Variants in DLGAP3 observed in about 807,000 individuals in gnomAD.
The protein encoded by DLGAP3 is DLG associated protein 3, also known as disks large-associated protein 3.
Under a neutral mutation model 81.2 loss-of-function variants are expected in DLGAP3, and 17 were observed. That is an observed-to-expected ratio of 0.21 (90% CI 0.14 to 0.31). The LOEUF is 0.31. Among genes scored for constraint, DLGAP3 ranks in the 10% least tolerant of loss-of-function variants. The pLI, the probability that DLGAP3 is intolerant of heterozygous loss-of-function variation, is 1.00. For synonymous variants in DLGAP3, 577 were observed against 587.4 expected, an observed-to-expected ratio of 0.98 and a Z score of 0.26; for missense variants, 1,124 against 1,388.0, an observed-to-expected ratio of 0.81 and a Z score of 3.02.
Position 34,868,723 on chromosome 1 carries a change from G to A in DLGAP3, c.2367C>T (p.Ser789=), listed in dbSNP as rs1455439880. Residue 789 remains serine (S), a synonymous_variant, in exon 9 of 12, where the codon TCC becomes TCT. Transcript: ENST00000373347. This position sits in a 1 kb window ranked among gnomAD's most constrained non-coding sequence, Gnocchi z 7.5. ...SRSLPDSGRA[S]PCPRDGEWFI... is the part of the protein sequence containing the mutation. ...ACCACTCGCCGTCGCGTGGGCAGGG[G>A]GATGCGCGGCCTGAGTCGGGGAGGC... 1 of 1,610,084 alleles carries A rather than the reference G, an allele frequency of 6.2e-7. No homozygotes were observed. Among genetic ancestry groups the A allele is most frequent in the African/African-American group, 1.3e-5 (1 of 74,938 alleles).
At chr1:34,879,241 T>A (rs1418299990) in intron 8 of DLGAP3, among the ~76,000 whole-genome samples, 1 of 152,156 alleles carries the variant, frequency 6.6e-6, no homozygotes. Flanking sequence ...GTAGAATCAG[T>A]GGGAGCCCTG....
At chr1:34,911,454 C>T (rs1054232438) in intron 1 of DLGAP3, among the ~76,000 whole-genome samples, 1 of 152,080 alleles carries the variant, frequency 6.6e-6, no homozygotes, top group Non-Finnish European at 1.5e-5. Flanking sequence ...TTTATTGCAC[C>T]AAATCATCCA....
In DLGAP3 at chr1:34,904,327, G is replaced by T. The variant is rs762268266; in HGVS notation, c.1057C>A (p.Leu353Ile). Residue 353 changes from leucine (L) to isoleucine (I), a missense_variant, in exon 3 of 12, where the codon CTC (leucine) becomes ATC (isoleucine). Leu to Ile is a conservative substitution (Grantham distance 5). This residue lies in a region of DLGAP3 where 357 missense variants were observed against 408.8 expected (regional missense o/e 0.87). Transcript: ENST00000373347. The surrounding 1 kb of genome is among the most constrained non-coding windows in gnomAD (Gnocchi z 8.1). The stretch of plus-strand genomic sequence containing the variant: ...TTGGCCTTGGTCTCCGGACCCAGGA[G>T]CCCCTTGCCTGGCCCGGCCCCCGGG... ...GYPGAGPGKG[L>I]LGPETKAKAR... The T allele has an allele frequency of 1.2e-6, 2 of 1,610,472 alleles. No individual in the cohort carries two copies. The highest frequency in any genetic ancestry group is 4.5e-5 in the East Asian group (2 of 44,892).
chr1:34,912,056 C>G (rs1639647859), intron 1 of DLGAP3, among the ~76,000 whole-genome samples: 1 of 152,206 alleles, frequency 6.6e-6, no homozygotes, highest in Non-Finnish European at 1.5e-5. Context: ...ATTCACCTCT[C>G]TTAACCTGTC....
At chr1:34,889,449 G>A (rs1569623380) in intron 5 of DLGAP3, among the ~76,000 whole-genome samples, 1 of 152,168 alleles carries the variant, frequency 6.6e-6, no homozygotes, top group Non-Finnish European at 1.5e-5. Flanking sequence ...TCCCTGCACT[G>A]ACTTCCACCC....
Position 34,886,329 on chromosome 1 carries a change from G to A in DLGAP3, c.1387-44C>T, listed in dbSNP as rs1005233438. The A allele has an allele frequency of 7.3e-6, 11 of 1,511,352 alleles. No individual in the cohort carries two copies. In the East Asian group the frequency reaches 1.5e-4, roughly 20 times the overall value. The allele number at this position is 1,511,352 out of a possible 1,614,324, so 93.6% of individuals were successfully genotyped here. A position where few individuals can be genotyped will look rare whatever the true frequency, so the allele number is the denominator to read the frequency against. Reference sequence around the variant, plus strand: ...GGAGGACAGTTATAAGGTGCCGGGAGGGGGTGGAAGTCCCTGGGGTGCTCT... The same window carrying A: ...GGAGGACAGTTATAAGGTGCCGGGAAGGGGTGGAAGTCCCTGGGGTGCTCT... On this transcript the variant is annotated intron_variant, in intron 5 of 11. Coordinates refer to ENST00000373347, the MANE Select transcript of DLGAP3 (RefSeq NM_001080418.3).
intron 5 of DLGAP3, among the ~76,000 whole-genome samples, chr1:34,888,483 C>A (rs954430753): frequency 1.3e-5 from 2 of 152,168 alleles, no homozygotes; most frequent in African/African-American, 4.8e-5. Flanking sequence ...GATCTGAACC[C>A]AAGGTTAACA....
intron 4 of DLGAP3, 21 bp from the exon 5 acceptor site, chr1:34,899,762 G>A (rs779109949): frequency 5.6e-5 from 90 of 1,611,598 alleles, no homozygotes; most frequent in Admixed American, 1.2e-4. Context: ...GCAAAATTCC[G>A]GAGTCAGAAC....
In DLGAP3 at chr1:34,885,748, G is replaced by A. The variant is rs1381852046; in HGVS notation, c.1644C>T (p.Ser548=). The A allele has an allele frequency of 7.0e-7, 1 of 1,418,462 alleles. No individual in the cohort carries two copies. The allele number at this position is 1,418,462 out of a possible 1,614,324, so 87.9% of individuals were successfully genotyped here. ...RKAPPPIPPG[S]QAPPRISITA... The stretch of plus-strand genomic sequence containing the variant: ...TGATGGAGATGCGGGGCGGGGCCTG[G>A]CTTCCCGGCGGGATGGGGGGCGGGG... Residue 548 remains serine (S), a synonymous_variant, in exon 7 of 12, where the codon AGC becomes AGT. Coordinates refer to ENST00000373347, the MANE Select transcript of DLGAP3 (RefSeq NM_001080418.3).
At chr1:34,922,110 C>T (rs1462100676) in intron 1 of DLGAP3, among the ~76,000 whole-genome samples, 3 of 152,174 alleles carry the variant, frequency 2.0e-5, no homozygotes, top group African/African-American at 7.2e-5. Flanking sequence ...AAGCCCTGAT[C>T]CTCTTTCCCC....
At chr1:34,924,594 C>G (rs1294494444) in intron 1 of DLGAP3, among the ~76,000 whole-genome samples, 1 of 152,140 alleles carries the variant, frequency 6.6e-6, no homozygotes, top group African/African-American at 2.4e-5. Context: ...TAATCCAGAA[C>G]CACCTTGAGC....
At chr1:34,921,474 C>T (rs1639796074) in intron 1 of DLGAP3, among the ~76,000 whole-genome samples, 1 of 152,198 alleles carries the variant, frequency 6.6e-6, no homozygotes, top group African/African-American at 2.4e-5. Context: ...GCCAACCTAC[C>T]TCTCTTTAGG....
intron 1 of DLGAP3, among the ~76,000 whole-genome samples, chr1:34,913,263 A>G (rs1639665265): frequency 6.6e-6 from 1 of 152,328 alleles, no homozygotes. Context: ...TTACAGCTCC[A>G]AAACACTCGA....
At chr1:34,909,402 G>A (rs1226178806) in intron 1 of DLGAP3, among the ~76,000 whole-genome samples, 2 of 152,316 alleles carry the variant, frequency 1.3e-5, no homozygotes, top group Non-Finnish European at 2.9e-5. Context: ...CAGAACGTAT[G>A]TGACACCTGA....
intron 7 of DLGAP3, 126 bp downstream of exon 7, chr1:34,885,352 G>C: frequency 9.2e-7 from 1 of 1,081,196 alleles, no homozygotes; most frequent in Non-Finnish European, 1.4e-6. Flanking sequence ...CCAGGCACGG[G>C]GTTCACTTGC....
chr1:34,876,406 G>T (rs1225141802), intron 8 of DLGAP3, among the ~76,000 whole-genome samples: 1 of 152,200 alleles, frequency 6.6e-6, no homozygotes, highest in Non-Finnish European at 1.5e-5. Flanking sequence ...CAGATACTGG[G>T]ATGAGCGAGA....
At chr1:34,878,332 T>A (rs1639089866) in intron 8 of DLGAP3, among the ~76,000 whole-genome samples, 1 of 151,378 alleles carries the variant, frequency 6.6e-6, no homozygotes, top group African/African-American at 2.4e-5. Context: ...AATAAAAAAA[T>A]AAGCAACACA....
At chr1:34,898,727 G>C (rs1453866077) in intron 5 of DLGAP3, among the ~76,000 whole-genome samples, 3 of 152,218 alleles carry the variant, frequency 2.0e-5, no homozygotes, top group Non-Finnish European at 4.4e-5. Context: ...AGGTCAGTCA[G>C]CTGGTAAGTA....
At position 34,900,288 on chromosome 1, in the gene DLGAP3, G is replaced by T. The variant is rs748095017; in HGVS notation, c.1108-15C>A. 29 of 1,611,868 alleles carry T rather than the reference G, an allele frequency of 1.8e-5. No individual in the cohort carries two copies. Among genetic ancestry groups the T allele is most frequent in the East Asian group, 2.2e-5 (1 of 44,868 alleles). On this transcript the variant is annotated splice_polypyrimidine_tract_variant and intron_variant, in intron 3 of 11. Transcript: ENST00000373347. The surrounding 1 kb of genome is among the most constrained non-coding windows in gnomAD (Gnocchi z 5.6). ...TCTTGCGGCACCTGCAGGAACAGGG[G>T]TCTCTGTCTCTCAGACATGACCCTA...
Sources: gnomAD v4.1 joint callset for allele counts (sites outside exome capture counted in the v4.1 genomes callset) on GRCh38, gnomAD v4.1.1 for gene constraint, gnomAD v4.1.1 regional missense constraint, Gnocchi (gnomAD v3.1) non-coding constraint, MANE v1.5 for transcripts, NCBI Gene and HGNC (gene_info 2026-07-23, HGNC 2026-07-21) for gene names.